The following ACSL4 variants were observed in gnomAD, a reference collection of about 807,000 sequenced individuals.
ACSL4 encodes the protein acyl-CoA synthetase long chain family member 4, also known as long-chain-fatty-acid--CoA ligase 4.
In ACSL4, 9 loss-of-function variants were observed where a neutral mutation model predicts 49.1. That is an observed-to-expected ratio of 0.18 (90% confidence interval 0.11 to 0.32). The LOEUF is 0.32. ACSL4 is among the 10% of genes least tolerant of loss of function. The pLI is 1.00. For synonymous variants in ACSL4, 191 were observed against 170.3 expected (o/e 1.12, Z -0.95); for missense variants, 333 against 493.7 (o/e 0.67, Z 3.08).
chrX:109,732,721 G>C lies in ACSL4; in HGVS notation c.-66+418C>G, dbSNP rs575987969. Reference sequence around the variant, plus strand: ...CCTCAGTTACAGAGCGACTGGGAGGGGACAAAATGGAGTTGAGGTTTAGGG... The same window carrying C: ...CCTCAGTTACAGAGCGACTGGGAGGCGACAAAATGGAGTTGAGGTTTAGGG... On this transcript the variant is annotated intron_variant, in intron 1 of 15. Transcript: ENST00000672401. Among the ~76,000 whole-genome samples, 65 of 111,465 alleles carry C rather than the reference G, an allele frequency of 5.8e-4. 1 individual carries two copies. In the South Asian group the frequency reaches 0.023, roughly 40 times the overall value.
chrX:109,691,015 G>A (rs760695204), intron 2 of ACSL4, among the ~76,000 whole-genome samples: 1 of 111,155 alleles, frequency 9.0e-6, no homozygotes, highest in East Asian at 2.8e-4. Context: ...AGAAGCATGT[G>A]ACACAACACC....
At chrX:109,675,963 A>T (rs1923645335) in intron 8 of ACSL4, among the ~76,000 whole-genome samples, 1 of 111,845 alleles carries the variant, frequency 8.9e-6, no homozygotes, top group Admixed American at 9.5e-5. Context: ...ACACAGCAGC[A>T]CCCTGTCATA....
chrX:109,647,850 C>T (rs1195207381), intron 15 of ACSL4, among the ~76,000 whole-genome samples: 16 of 106,208 alleles, frequency 1.5e-4, no homozygotes, highest in East Asian at 6.0e-4. Flanking sequence ...ATATCACCAC[C>T]GATCCCACAG....
rs1334053282 is a variant in ACSL4 at position 109,648,871 on chromosome X, T to C, written c.1856-4685A>G. Among the ~76,000 whole-genome samples, 12 of 98,244 alleles carry C rather than the reference T, an allele frequency of 1.2e-4. 1 individual carries two copies. Among genetic ancestry groups the C allele is most frequent in the Non-Finnish European group, 2.5e-4 (12 of 48,633 alleles). 85.3% of individuals were successfully genotyped at this position (98,244 alleles called of 115,157 possible). On this transcript the variant is annotated intron_variant, in intron 15 of 15. Coordinates refer to ENST00000672401, the MANE Select transcript of ACSL4 (RefSeq NM_001318510.2). Reference sequence around the variant, plus strand: ...TGTACAAAAATCACAAGCATTCTTATACACCAACAACAGACAAACAGAGAG... The same window carrying C: ...TGTACAAAAATCACAAGCATTCTTACACACCAACAACAGACAAACAGAGAG...
chrX:109,722,594 A>C (rs1355371573), intron 1 of ACSL4, among the ~76,000 whole-genome samples: 1 of 112,026 alleles, frequency 8.9e-6, no homozygotes, highest in Admixed American at 9.5e-5. Flanking sequence ...ACTACACTGT[A>C]AATAACATGT....
Position 109,659,519 on chromosome X carries a change from A to C in ACSL4, c.1698-8T>G, listed in dbSNP as rs769640392. ...ATCACATAGGACTGATCACTAAAAA[A>C]ACAGAAAATAAAATAGAAATGAAAA... On this transcript the variant is annotated splice_polypyrimidine_tract_variant and splice_region_variant and intron_variant, in intron 14 of 15. Coordinates refer to ENST00000672401, the MANE Select transcript of ACSL4 (RefSeq NM_001318510.2). 3.4e-6 allele frequency: 4 copies of C among 1,159,946 alleles called. No individual in the cohort carries two copies. Among genetic ancestry groups the C allele is most frequent in the Middle Eastern group, 2.4e-4 (1 of 4,232 alleles).
intron 1 of ACSL4, among the ~76,000 whole-genome samples, chrX:109,729,932 C>A (rs759757387): frequency 1.8e-5 from 2 of 112,086 alleles, no homozygotes; most frequent in Admixed American, 9.5e-5. Flanking sequence ...AAAAACAGAT[C>A]AGTGGTTGCC....
At chrX:109,731,779 C>G (rs1386963771) in intron 1 of ACSL4, among the ~76,000 whole-genome samples, 1 of 111,691 alleles carries the variant, frequency 9.0e-6, no homozygotes, top group East Asian at 2.8e-4. Flanking sequence ...AGGAGTCTTA[C>G]ATGTCTTACA....
chrX:109,690,880 T>C (rs1924996340), intron 2 of ACSL4, among the ~76,000 whole-genome samples: 1 of 110,939 alleles, frequency 9.0e-6, no homozygotes, highest in Non-Finnish European at 1.9e-5. Context: ...TTCCAGTTAC[T>C]TCAAACACTC....
At chrX:109,646,558 T>G (rs1240829460) in intron 15 of ACSL4, among the ~76,000 whole-genome samples, 2 of 109,655 alleles carry the variant, frequency 1.8e-5, no homozygotes, top group Non-Finnish European at 3.8e-5. Context: ...TACCAGCCAC[T>G]GCAAAATCAT....
intron 1 of ACSL4, among the ~76,000 whole-genome samples, chrX:109,707,906 A>G (rs1430630833): frequency 8.9e-6 from 1 of 111,967 alleles, no homozygotes; most frequent in Non-Finnish European, 1.9e-5. Flanking sequence ...TATGTAGGCT[A>G]TAAACCAAAA....
chrX:109,662,269 C>T (rs1468254088), intron 13 of ACSL4, among the ~76,000 whole-genome samples: 3 of 110,947 alleles, frequency 2.7e-5, no homozygotes, highest in African/African-American at 9.8e-5. Flanking sequence ...TTTGCCTACC[C>T]GTAGCCTGGG....
At chrX:109,711,396 T>C (rs1337593558) in intron 1 of ACSL4, among the ~76,000 whole-genome samples, 1 of 112,142 alleles carries the variant, frequency 8.9e-6, no homozygotes, top group East Asian at 2.8e-4. Flanking sequence ...TACAGCCAGA[T>C]GACCTGGGTT....
intron 9 of ACSL4, among the ~76,000 whole-genome samples, chrX:109,671,276 G>A (rs755113967): frequency 5.2e-4 from 56 of 107,565 alleles, no homozygotes; most frequent in Middle Eastern, 5.1e-3. Flanking sequence ...GCCCAGCCGC[G>A]ACCCCGTCTG....
chrX:109,674,438 A>G lies in ACSL4; in HGVS notation c.966T>C (p.Cys322=), dbSNP rs1417771833. 8.3e-7 allele frequency: 1 copy of G among 1,207,111 alleles called. No homozygotes were observed. The highest frequency in any genetic ancestry group is 1.7e-5 in the African/African-American group (1 of 57,246). Reference sequence around the variant, plus strand: ...CCATAAGTGTGGGCTTCAGTACAGTACAGTCTCCTTTGCTTCCTTTTTTAA... The same window carrying G: ...CCATAAGTGTGGGCTTCAGTACAGTGCAGTCTCCTTTGCTTCCTTTTTTAA... The part of the protein sequence containing the change: ...SKIKKGSKGD[C]TVLKPTLMAA... Residue 322 remains cysteine (C), a synonymous_variant, in exon 9 of 16, where the codon TGT becomes TGC. Transcript: ENST00000672401.
At chrX:109,729,310 A>G (rs1300896643) in intron 1 of ACSL4, among the ~76,000 whole-genome samples, 1 of 112,724 alleles carries the variant, frequency 8.9e-6, no homozygotes, top group Non-Finnish European at 1.9e-5. Context: ...CACTGAAGAT[A>G]CAGAGAATGG....
At position 109,641,406 on chromosome X, in the gene ACSL4, C is replaced by T. The variant is rs1934442940; in HGVS notation, c.*2623G>A. 8.8e-6 allele frequency: 1 copy of T among 113,167 alleles called. No homozygotes were observed. The highest frequency in any genetic ancestry group is 1.9e-5 in the Non-Finnish European group (1 of 53,307). The allele number at this position is 113,167 out of a possible 1,213,427, so 9.3% of individuals were successfully genotyped here. On this transcript the variant is annotated 3_prime_UTR_variant, in exon 16 of 16. Coordinates refer to ENST00000672401, the MANE Select transcript of ACSL4 (RefSeq NM_001318510.2). ...AAAAACAAGAACAAACAAAGCTTTT[C>T]ATCAAGAATAAACACAAAATCTAAA... is the stretch of plus-strand genomic sequence containing the variant.
chrX:109,670,798 G>A (rs1923128253), intron 9 of ACSL4, among the ~76,000 whole-genome samples: 1 of 111,962 alleles, frequency 8.9e-6, no homozygotes, highest in Non-Finnish European at 1.9e-5. Flanking sequence ...ACTGGTTTTC[G>A]TATTTTTTGG....
intron 15 of ACSL4, among the ~76,000 whole-genome samples, chrX:109,645,907 G>C (rs145197602): frequency 0.023 from 2,559 of 112,231 alleles, 86 homozygotes; most frequent in African/African-American, 0.078. Flanking sequence ...CGATCAACTG[G>C]ATGAAAGGCT....
Sources: allele counts gnomAD v4.1 joint callset (sites outside exome capture counted in the v4.1 genomes callset), GRCh38; gene constraint gnomAD v4.1.1; transcripts MANE v1.5; gene names NCBI Gene and HGNC (gene_info 2026-07-23, HGNC 2026-07-21).